BEAN1: variants seen among roughly 807,000 people sequenced by gnomAD.
The protein encoded by BEAN1 is brain expressed associated with NEDD4 1, also known as protein BEAN1.
Under a neutral mutation model 17.7 loss-of-function variants are expected in BEAN1, and 17 were observed. The ratio of observed to expected loss-of-function variants is 0.96; its 90% CI spans 0.66 to 1.44. The LOEUF is 1.44. BEAN1 is among the 40% of genes most tolerant of loss of function. The pLI is 0.00. For synonymous variants in BEAN1, 142 were observed against 151.8 expected (o/e 0.94, Z 0.47); for missense variants, 359 against 374.1 (o/e 0.96, Z 0.33).
At chr16:66,431,168 A>C (rs1426736856) in intron 1 of BEAN1, among the ~76,000 whole-genome samples, 2 of 152,306 alleles carry the variant, frequency 1.3e-5, no homozygotes, top group East Asian at 3.9e-4. Flanking sequence ...TAGCCTTAAA[A>C]TTTTTCCTTG....
At chr16:66,479,794 G>C (rs572307488) in intron 4 of BEAN1, among the ~76,000 whole-genome samples, 2 of 152,224 alleles carry the variant, frequency 1.3e-5, no homozygotes, top group Admixed American at 6.5e-5. Flanking sequence ...GAAGAGAAAG[G>C]ACAGGTGGAG....
At chr16:66,454,091 C>T (rs1307876485) in intron 2 of BEAN1, among the ~76,000 whole-genome samples, 3 of 152,144 alleles carry the variant, frequency 2.0e-5, no homozygotes, top group Admixed American at 2.0e-4. Context: ...ATCTCTAATT[C>T]CATTGTGGTC....
chr16:66,432,741 A>G (rs1435278930), intron 1 of BEAN1, among the ~76,000 whole-genome samples: 1 of 152,130 alleles, frequency 6.6e-6, no homozygotes, highest in African/African-American at 2.4e-5. Flanking sequence ...TCTCTATCAG[A>G]TCCATCTGTC....
intron 2 of BEAN1, among the ~76,000 whole-genome samples, chr16:66,468,106 C>T (rs2142428531): frequency 6.6e-6 from 1 of 152,320 alleles, no homozygotes; most frequent in Admixed American, 6.5e-5. Flanking sequence ...GGTGGCCACC[C>T]ACGCTCTCCT....
intron 2 of BEAN1, among the ~76,000 whole-genome samples, chr16:66,442,362 A>G (rs1419674968): frequency 6.6e-6 from 1 of 152,202 alleles, no homozygotes; most frequent in Non-Finnish European, 1.5e-5. Context: ...AAGATGGGGC[A>G]GCCCGCCTCC....
rs200706119 is a variant in BEAN1, at chr16:66,469,802, C to A, written c.226C>A (p.Arg76Ser). The change falls in exon 3 of 5, where the codon CGC becomes AGC. Residue 76 changes from arginine (R) to serine (S), a missense_variant. Transcript: ENST00000536005. The part of the protein sequence containing the change: ...RLQRHRHRHH[R>S]HHHHHHHHRR... ...TCAGCGGCACCGCCACCGCCACCAC[C>A]GCCACCACCACCACCATCATCACCA... The A allele has an allele frequency of 0.01, 15,450 of 1,535,802 alleles. 109 individuals carry two copies. Among genetic ancestry groups the A allele is most frequent in the Non-Finnish European group, 0.011 (12,916 of 1,146,824 alleles).
At chr16:66,438,200 A>G (rs1330078134) in intron 2 of BEAN1, among the ~76,000 whole-genome samples, 1 of 152,122 alleles carries the variant, frequency 6.6e-6, no homozygotes, top group Non-Finnish European at 1.5e-5. Context: ...CCTGGCCAAC[A>G]TGGTGAAACC....
chr16:66,441,362 C>A (rs908530371), intron 2 of BEAN1, among the ~76,000 whole-genome samples: 10 of 152,146 alleles, frequency 6.6e-5, no homozygotes, highest in African/African-American at 1.9e-4. Context: ...ACCCGGAAAT[C>A]CCAGGAGGGC....
intron 2 of BEAN1, among the ~76,000 whole-genome samples, chr16:66,464,904 A>G (rs1417600204): frequency 6.6e-6 from 1 of 152,150 alleles, no homozygotes; most frequent in African/African-American, 2.4e-5. Flanking sequence ...TCTTGCCTAA[A>G]TTGCCCTGGC....
chr16:66,447,189 G>T (rs1348795257), intron 2 of BEAN1, among the ~76,000 whole-genome samples: 4 of 152,164 alleles, frequency 2.6e-5, no homozygotes, highest in African/African-American at 9.7e-5. Context: ...AGGATGACTT[G>T]AGCCCAGGAG....
chr16:66,431,047 A>C (rs954963939), intron 1 of BEAN1, among the ~76,000 whole-genome samples: 25 of 152,266 alleles, frequency 1.6e-4, no homozygotes, highest in African/African-American at 5.5e-4. Context: ...GGTTAAAAAC[A>C]ATGGATATTA....
chr16:66,448,182 C>A (rs1432070528), intron 2 of BEAN1, among the ~76,000 whole-genome samples: 1 of 151,968 alleles, frequency 6.6e-6, no homozygotes, highest in African/African-American at 2.4e-5. Context: ...ACCGAGAATT[C>A]CTTTCCTAGA....
At position 66,490,444 on chromosome 16, in the gene BEAN1, TAA is replaced by T. The variant is rs1278601528; in HGVS notation, c.148-2515_148-2514del. The stretch of plus-strand genomic sequence containing the variant: ...TAAAATAAAATAAAATAAAATAAAA[TAA>T]AATAAAATAATAAAATAAAAAGAAA... On this transcript the variant is annotated intron_variant, in intron 4 of 4. Coordinates refer to the BEAN1 transcript ENST00000561796. Among the ~76,000 whole-genome samples, 25 of 137,338 alleles carry T rather than the reference TAA, an allele frequency of 1.8e-4. 4 individuals are homozygous for T. The highest frequency in any genetic ancestry group is 7.4e-4 in the African/African-American group (24 of 32,524). 90.1% of individuals were successfully genotyped at this position (137,338 alleles called of 152,430 possible).
At chr16:66,474,557 A>AGAGGGAGGGAGGGAGGGAGGGAGG (rs1204256694) in intron 3 of BEAN1, among the ~76,000 whole-genome samples, 1 of 75,972 alleles carries the variant, frequency 1.3e-5, no homozygotes, top group Non-Finnish European at 2.5e-5. Context: ...AGGGAGGGAG[A>AGAGGGAGGGAGGGAGGGAGGGAGG]GAGGGAGGGA....
In BEAN1 at chr16:66,427,470, G is replaced by GC. The variant is rs1961622178; in HGVS notation, c.-83+39_-83+40insC. 6.6e-6 allele frequency: 1 copy of GC among 151,192 alleles called. No homozygotes were observed. The highest frequency in any genetic ancestry group is 2.4e-5 in the African/African-American group (1 of 41,294). 9.4% of individuals were successfully genotyped at this position (151,192 alleles called of 1,614,324 possible). A position where few individuals can be genotyped will look rare whatever the true frequency, so the allele number is the denominator to read the frequency against. On this transcript the variant is annotated intron_variant, in intron 1 of 4. Transcript: ENST00000536005. This position sits in a 1 kb window ranked among gnomAD's most constrained non-coding sequence, Gnocchi z 4.7. ...GGCTGGGCGGCGCGGGGGAGGGGCG[G>GC]GCGGGGGGTCCCGGCCCCATTCCCC...
intron 4 of BEAN1, among the ~76,000 whole-genome samples, chr16:66,478,334 G>C (rs1365535350): frequency 1.3e-5 from 2 of 151,628 alleles, no homozygotes. Context: ...CCGGGCGTGG[G>C]GGCTCACGCC....
chr16:66,430,609 AT>A (rs1404900313), intron 1 of BEAN1, among the ~76,000 whole-genome samples: 1 of 152,222 alleles, frequency 6.6e-6, no homozygotes, highest in East Asian at 1.9e-4. Flanking sequence ...AGGCTATAGA[AT>A]TTTTAGACAC....
intron 2 of BEAN1, among the ~76,000 whole-genome samples, chr16:66,461,352 CT>C: frequency 6.6e-6 from 1 of 152,298 alleles, no homozygotes; most frequent in African/African-American, 2.4e-5. Context: ...AATTTCCTAG[CT>C]GTCCAAGCAG....
chr16:66,472,133 G>A (rs898809662), intron 3 of BEAN1, among the ~76,000 whole-genome samples: 2 of 152,182 alleles, frequency 1.3e-5, no homozygotes, highest in Admixed American at 6.5e-5. Context: ...TCCAGGCCCC[G>A]CTCAAAGGCT....
Sources: allele counts gnomAD v4.1 joint callset (sites outside exome capture counted in the v4.1 genomes callset), GRCh38; gene constraint gnomAD v4.1.1; non-coding constraint Gnocchi (gnomAD v3.1); transcripts MANE v1.5; gene names NCBI Gene and HGNC (gene_info 2026-07-23, HGNC 2026-07-21).